The following ATP11B variants were observed in gnomAD, a reference collection of about 807,000 sequenced individuals.
The protein encoded by ATP11B is ATPase phospholipid transporting 11B (putative), also known as phospholipid-transporting ATPase IF.
A neutral mutation model predicts 157.8 loss-of-function variants in ATP11B; 81 were observed. The ratio of observed to expected loss-of-function variants is 0.51; its 90% CI spans 0.43 to 0.62. The LOEUF is 0.62. Among genes scored for constraint, ATP11B ranks in the 20% least tolerant of loss-of-function variants. ATP11B has a pLI of 0.00. For synonymous variants in ATP11B, 451 were observed against 469.4 expected, an observed-to-expected ratio of 0.96 and a Z score of 0.51; for missense variants, 1,165 against 1,402.2, an observed-to-expected ratio of 0.83 and a Z score of 2.70.
intron 8 of ATP11B, among the ~76,000 whole-genome samples, chr3:182,842,645 T>C (rs564115189): frequency 6.6e-6 from 1 of 152,196 alleles, no homozygotes; most frequent in African/African-American, 2.4e-5. Context: ...AGTAGAGTCC[T>C]ACCTTGGGGT....
At chr3:182,904,524 C>G (rs995577766) in intron 28 of ATP11B, among the ~76,000 whole-genome samples, 1 of 152,170 alleles carries the variant, frequency 6.6e-6, no homozygotes, top group Non-Finnish European at 1.5e-5. Context: ...ACGCCTGTGA[C>G]AGAGAGGAAA....
intron 12 of ATP11B, among the ~76,000 whole-genome samples, chr3:182,862,769 A>G (rs1661112623): frequency 2.0e-5 from 3 of 150,280 alleles, no homozygotes; most frequent in African/African-American, 2.4e-5. Flanking sequence ...ACTTGTGTCA[A>G]TCTTCCCTCT....
chr3:182,803,836 C>T (rs930730238), intron 1 of ATP11B, among the ~76,000 whole-genome samples: 1 of 152,196 alleles, frequency 6.6e-6, no homozygotes, highest in Non-Finnish European at 1.5e-5. Flanking sequence ...CATACTCTGT[C>T]ATATACCAGC....
chr3:182,856,882 A>G (rs903065946), intron 10 of ATP11B, among the ~76,000 whole-genome samples: 13 of 152,152 alleles, frequency 8.5e-5, no homozygotes, highest in African/African-American at 2.2e-4. Flanking sequence ...TTTTCCCTCA[A>G]TATTTGTTGG....
chr3:182,854,921 A>G (rs1199924847), intron 10 of ATP11B, among the ~76,000 whole-genome samples: 2 of 152,142 alleles, frequency 1.3e-5, no homozygotes, highest in African/African-American at 2.4e-5. Flanking sequence ...AAAGAAATCA[A>G]AGATCTAAAT....
chr3:182,864,941 T>A (rs1721116299), intron 12 of ATP11B, among the ~76,000 whole-genome samples: 1 of 152,192 alleles, frequency 6.6e-6, no homozygotes. Context: ...TTTCACTAAA[T>A]TTGTTTTCTG....
chr3:182,838,026 A>G (rs964871178), intron 7 of ATP11B, among the ~76,000 whole-genome samples: 2 of 152,076 alleles, frequency 1.3e-5, no homozygotes, highest in African/African-American at 4.8e-5. Flanking sequence ...TTCTTGTCAT[A>G]TTATATATCT....
rs1483037736 is a variant in ATP11B at position 182,873,937 on chromosome 3, G to A, written c.2174G>A (p.Arg725Lys). The A allele has an allele frequency of 2.5e-6, 4 of 1,614,084 alleles. No homozygotes were observed. Among genetic ancestry groups the A allele is most frequent in the Non-Finnish European group, 3.4e-6 (4 of 1,180,002 alleles). ...AGTTTATCATGTGGCCATTTTCATA[G>A]AACCATGAACATCCTTGAACTTATA... ...SVSLSCGHFHRTMNILELINQ... is the reference protein window; with the variant it reads ...SVSLSCGHFHKTMNILELINQ... Residue 725 changes from arginine (R) to lysine (K), a missense_variant, in exon 19 of 30, where the codon AGA becomes AAA. Coordinates refer to ENST00000323116, the MANE Select transcript of ATP11B (RefSeq NM_014616.3).
chr3:182,831,749 A>G (rs1191524254), intron 4 of ATP11B, among the ~76,000 whole-genome samples: 1 of 151,898 alleles, frequency 6.6e-6, no homozygotes, highest in African/African-American at 2.4e-5. Context: ...AACTTTGACC[A>G]CCATGCCACT....
chr3:182,812,411 GT>G (rs1716725959), intron 1 of ATP11B, among the ~76,000 whole-genome samples: 2 of 152,148 alleles, frequency 1.3e-5, no homozygotes, highest in African/African-American at 2.4e-5. Context: ...AAATTTACTA[GT>G]TTCACTCCTT....
At chr3:182,891,506 G>A (rs1174098372) in intron 25 of ATP11B, among the ~76,000 whole-genome samples, 3 of 151,968 alleles carry the variant, frequency 2.0e-5, no homozygotes, top group Non-Finnish European at 4.4e-5. Context: ...TAGCCTAAGT[G>A]ATTTTGTATG....
intron 4 of ATP11B, among the ~76,000 whole-genome samples, chr3:182,834,681 T>C (rs183608645): frequency 1.4e-4 from 21 of 152,342 alleles, no homozygotes; most frequent in African/African-American, 5.1e-4. Context: ...CGCCATTCCT[T>C]AATATTTAAT....
At chr3:182,859,437 C>A in intron 12 of ATP11B, 78 bp downstream of exon 12, 1 of 1,306,038 alleles carries the variant, frequency 7.7e-7, no homozygotes, top group African/African-American at 1.5e-5. Context: ...ATTAATGTAA[C>A]AAGGTATTAT....
rs1721726084 is a variant in ATP11B, at chr3:182,872,377, A to G, written c.1888A>G (p.Ile630Val). ...FALKGLRTLC[I>V]AYRKFTSKEY... is the part of the protein sequence containing the mutation. ...TTAGAAAGGGCTAAGAACTCTGTGT[A>G]TAGCATATAGAAAATTTACATCAAA... The change falls in exon 18 of 30, where the codon ATA becomes GTA. Residue 630 changes from isoleucine (I) to valine (V), a missense_variant. Transcript: ENST00000323116. 7 of 1,611,376 alleles carry G rather than the reference A, an allele frequency of 4.3e-6. No individual in the cohort carries two copies. Among genetic ancestry groups the G allele is most frequent in the Non-Finnish European group, 5.9e-6 (7 of 1,178,344 alleles).
intron 4 of ATP11B, 143 bp from the exon 5 acceptor site, chr3:182,835,892 C>A (rs1304271499): frequency 3.5e-6 from 2 of 572,836 alleles, no homozygotes; most frequent in Non-Finnish European, 6.1e-6. Context: ...ATATCAGATA[C>A]CTATGAGCAT....
At chr3:182,816,065 A>G (rs940418537) in intron 1 of ATP11B, among the ~76,000 whole-genome samples, 2 of 152,036 alleles carry the variant, frequency 1.3e-5, no homozygotes, top group Non-Finnish European at 2.9e-5. Flanking sequence ...GTCTGCCATC[A>G]TGAGACTTTT....
rs1560047265 is a variant in ATP11B at position 182,793,753 on chromosome 3, C to CG, written c.-2dup. On this transcript the variant is annotated 5_prime_UTR_variant, in exon 1 of 30. Transcript: ENST00000323116. ...CCCCGCGGGACCCGGACGGCGACGA[C>CG]GGGGGAATGTGGCGCTGGATCCGGC... is the stretch of plus-strand genomic sequence containing the variant. The CG allele has an allele frequency of 2.1e-6, 3 of 1,410,354 alleles. No homozygotes were observed. Among genetic ancestry groups the CG allele is most frequent in the South Asian group, 2.8e-5 (2 of 72,066 alleles). 87.4% of individuals were successfully genotyped at this position (1,410,354 alleles called of 1,614,324 possible).
intron 29 of ATP11B, chr3:182,916,684 A>G (rs1725163023): frequency 2.0e-6 from 2 of 983,516 alleles, no homozygotes; most frequent in Non-Finnish European, 2.4e-6. Flanking sequence ...GTCAAAAATT[A>G]TATTTAACAT....
At chr3:182,905,715 G>T (rs972236799) in intron 28 of ATP11B, 35 of 450,206 alleles carry the variant, frequency 7.8e-5, no homozygotes, top group South Asian at 5.3e-4. Context: ...ATGCCAACTT[G>T]TTGCTTTGAT....
Sources: allele counts gnomAD v4.1 joint callset (sites outside exome capture counted in the v4.1 genomes callset), GRCh38; gene constraint gnomAD v4.1.1; transcripts MANE v1.5; gene names NCBI Gene and HGNC (gene_info 2026-07-23, HGNC 2026-07-21).